Variants in DTWD2 observed in about 807,000 individuals in gnomAD.
The protein encoded by DTWD2 is tRNA-uridine aminocarboxypropyltransferase 2.
In DTWD2, 39 loss-of-function variants were observed where a neutral mutation model predicts 31.8. The observed-to-expected ratio is 1.22, with a 90% CI of 0.95 to 1.60. The LOEUF (loss-of-function observed/expected upper bound fraction) is 1.60, where lower values mean the gene tolerates loss of function less well. DTWD2 is among the 40% of genes most tolerant of loss of function. The pLI is 0.00. For missense variants in DTWD2, 515 were observed against 381.5 expected (o/e 1.35, Z -2.92); for synonymous variants, 180 against 142.8 (o/e 1.26, Z -1.86).
chr5:118,952,401 G>T (rs1252532313), intron 1 of DTWD2, among the ~76,000 whole-genome samples: 1 of 152,162 alleles, frequency 6.6e-6, no homozygotes, highest in Non-Finnish European at 1.5e-5. Flanking sequence ...GGACATAGGG[G>T]TGGGGCCATT....
intron 1 of DTWD2, among the ~76,000 whole-genome samples, chr5:118,984,728 G>A (rs1256896830): frequency 1.3e-5 from 2 of 152,060 alleles, no homozygotes; most frequent in African/African-American, 2.4e-5. Context: ...CCTTAAACAG[G>A]TTTTAAAACA....
intron 4 of DTWD2, among the ~76,000 whole-genome samples, chr5:118,924,340 C>T (rs1012080245): frequency 3.9e-5 from 6 of 152,190 alleles, no homozygotes; most frequent in African/African-American, 1.2e-4. Context: ...AAAAACAGAA[C>T]TGCCTGAGAA....
chr5:118,852,811 G>T (rs1453203796), intron 4 of DTWD2, among the ~76,000 whole-genome samples: 1 of 151,982 alleles, frequency 6.6e-6, no homozygotes, highest in African/African-American at 2.4e-5. Flanking sequence ...CAATAGCAAA[G>T]GCATGGAATC....
intron 4 of DTWD2, among the ~76,000 whole-genome samples, chr5:118,852,753 T>C (rs1351209714): frequency 6.6e-6 from 1 of 152,192 alleles, no homozygotes; most frequent in African/African-American, 2.4e-5. Context: ...TATAAATTGT[T>C]CTATCATAAT....
intron 4 of DTWD2, among the ~76,000 whole-genome samples, chr5:118,921,878 T>C (rs557005830): frequency 2.6e-5 from 4 of 152,190 alleles, no homozygotes; most frequent in African/African-American, 4.8e-5. Context: ...AGATCAGATA[T>C]ATAACATAAA....
intron 1 of DTWD2, among the ~76,000 whole-genome samples, chr5:118,962,133 G>T (rs942740206): frequency 1.3e-5 from 2 of 152,066 alleles, no homozygotes; most frequent in African/African-American, 4.8e-5. Context: ...AGCTACTCAG[G>T]AGGCTGAGGC....
chr5:118,915,663 T>C (rs998262982), intron 4 of DTWD2, among the ~76,000 whole-genome samples: 2 of 152,294 alleles, frequency 1.3e-5, no homozygotes, highest in Non-Finnish European at 2.9e-5. Flanking sequence ...CGTGAGCCAC[T>C]ACGCCCGGCC....
intron 1 of DTWD2, among the ~76,000 whole-genome samples, chr5:118,970,842 T>A (rs183192735): frequency 2.6e-5 from 4 of 152,124 alleles, no homozygotes; most frequent in Non-Finnish European, 5.9e-5. Context: ...TATTCAACAT[T>A]CTTAAAAGAA....
chr5:118,891,688 A>T (rs1307364601), intron 4 of DTWD2, among the ~76,000 whole-genome samples: 5 of 152,248 alleles, frequency 3.3e-5, no homozygotes, highest in Non-Finnish European at 5.9e-5. Flanking sequence ...ATGCTTTCAG[A>T]TATGAATGCA....
chr5:118,937,134 C>A (rs1486956169), intron 3 of DTWD2, among the ~76,000 whole-genome samples: 1 of 151,968 alleles, frequency 6.6e-6, no homozygotes, highest in East Asian at 1.9e-4. Flanking sequence ...TGGGCTTTAT[C>A]TTAGAAATAG....
intron 3 of DTWD2, among the ~76,000 whole-genome samples, chr5:118,936,538 C>T (rs1754049726): frequency 1.3e-5 from 2 of 151,760 alleles, no homozygotes; most frequent in Non-Finnish European, 2.9e-5. Context: ...GGCACAGTAG[C>T]TCACATCTGT....
chr5:118,981,080 C>T lies in DTWD2; in HGVS notation c.218+7214G>A, dbSNP rs80333841. Among the ~76,000 whole-genome samples, 1,311 of 152,122 alleles carry T rather than the reference C, an allele frequency of 8.6e-3. 25 individuals carry two copies. Among genetic ancestry groups the T allele is most frequent in the African/African-American group, 0.029 (1,222 of 41,470 alleles). ...GGATGGACCTTGAAAACATTATACT[C>T]GGTGAAATTAGCCAGACACAGATAG... is the stretch of plus-strand genomic sequence containing the variant. On this transcript the variant is annotated intron_variant, in intron 1 of 5. Transcript: ENST00000510708.
At chr5:118,904,032 T>A (rs924868801) in intron 4 of DTWD2, among the ~76,000 whole-genome samples, 7 of 152,062 alleles carry the variant, frequency 4.6e-5, no homozygotes, top group Non-Finnish European at 8.8e-5. Context: ...CTGTACTAAA[T>A]TTAGGGTTAC....
chr5:118,889,406 G>A (rs894442002), intron 4 of DTWD2, among the ~76,000 whole-genome samples: 20 of 151,980 alleles, frequency 1.3e-4, no homozygotes, highest in Non-Finnish European at 2.8e-4. Flanking sequence ...CATGAAATTC[G>A]AGACAGCTAT....
rs141078174 is a variant in DTWD2 at position 118,850,956 on chromosome 5, C to T, written c.598-2738G>A. On this transcript the variant is annotated intron_variant, in intron 4 of 5. Coordinates refer to ENST00000510708, the MANE Select transcript of DTWD2 (RefSeq NM_173666.4). ...ATCTTTAGAGAAATGCAAATCAAAA[C>T]CACAATGGGGCTGGGTGCAGTGGCT... Among the ~76,000 whole-genome samples the T allele has an allele frequency of 4.5e-3, 680 of 152,084 alleles. 6 individuals are homozygous for T. Among genetic ancestry groups the T allele is most frequent in the African/African-American group, 0.016 (650 of 41,488 alleles).
intron 4 of DTWD2, among the ~76,000 whole-genome samples, chr5:118,923,535 G>T (rs1273431798): frequency 6.6e-6 from 1 of 152,152 alleles, no homozygotes; most frequent in African/African-American, 2.4e-5. Flanking sequence ...TGCGCATGCG[G>T]GAAACCCACC....
intron 5 of DTWD2, among the ~76,000 whole-genome samples, chr5:118,845,229 C>G (rs542843364): frequency 6.6e-6 from 1 of 152,240 alleles, no homozygotes; most frequent in South Asian, 2.1e-4. Flanking sequence ...ATTTACTATT[C>G]TCCCCCACCA....
chr5:118,973,852 G>A, intron 1 of DTWD2: 1 of 1,612,352 alleles, frequency 6.2e-7, no homozygotes, highest in Non-Finnish European at 8.5e-7. Flanking sequence ...ACTTACAGGA[G>A]AAGAAGGAAG....
At chr5:118,863,544 T>C (rs1440737607) in intron 4 of DTWD2, among the ~76,000 whole-genome samples, 4 of 152,244 alleles carry the variant, frequency 2.6e-5, no homozygotes, top group Non-Finnish European at 4.4e-5. Flanking sequence ...GTTACTATAA[T>C]TTCTGTGGGT....
Sources: allele counts gnomAD v4.1 joint callset (sites outside exome capture counted in the v4.1 genomes callset), GRCh38; gene constraint gnomAD v4.1.1; transcripts MANE v1.5; gene names NCBI Gene and HGNC (gene_info 2026-07-23, HGNC 2026-07-21).